L3MBTL1: variants seen among roughly 807,000 people sequenced by gnomAD.
L3MBTL1 encodes the protein lethal(3)malignant brain tumor-like protein 1.
In L3MBTL1, 75 loss-of-function variants were observed where a neutral mutation model predicts 105.3. The observed-to-expected ratio is 0.71, with a 90% CI of 0.59 to 0.86. The LOEUF (loss-of-function observed/expected upper bound fraction) is 0.86, where lower values mean the gene tolerates loss of function less well. Among genes scored for constraint, L3MBTL1 ranks in the 40% least tolerant of loss-of-function variants. The probability of loss-of-function intolerance (pLI) is 0.00; values close to 1 mark genes in which losing one functional copy is unlikely to be tolerated. For synonymous variants in L3MBTL1, 452 were observed against 436.2 expected (o/e 1.04, Z -0.45); for missense variants, 1,069 against 1,126.4 (o/e 0.95, Z 0.73).
chr20:43,536,961 G>T (rs117160432), intron 19 of L3MBTL1, among the ~76,000 whole-genome samples: 3,156 of 152,316 alleles, frequency 0.021, 58 homozygotes, highest in Non-Finnish European at 0.034. Flanking sequence ...ACTATGCCAG[G>T]TTCTTTACAC....
At chr20:43,509,631 A>C (rs756855559) in intron 1 of L3MBTL1, among the ~76,000 whole-genome samples, 6 of 152,182 alleles carry the variant, frequency 3.9e-5, no homozygotes, top group Non-Finnish European at 4.4e-5. Flanking sequence ...TCATGAGAGC[A>C]TTTTGTCATG....
At chr20:43,508,678 A>G (rs2018051234) in intron 1 of L3MBTL1, among the ~76,000 whole-genome samples, 1 of 152,252 alleles carries the variant, frequency 6.6e-6, no homozygotes. Flanking sequence ...TGGTTGTTTT[A>G]GGTCGGGTCC....
intron 11 of L3MBTL1, 93 bp downstream of exon 11, chr20:43,530,982 A>G: frequency 1.0e-6 from 1 of 995,892 alleles, no homozygotes; most frequent in Non-Finnish European, 1.5e-6. Flanking sequence ...AAGGGAGCTC[A>G]TGTGCTGGTT....
At chr20:43,537,804 C>A (rs970229966) in intron 19 of L3MBTL1, among the ~76,000 whole-genome samples, 1 of 152,198 alleles carries the variant, frequency 6.6e-6, no homozygotes, top group Admixed American at 6.5e-5. Flanking sequence ...TGTCCCAATT[C>A]TTCAAGAACA....
chr20:43,549,160 A>ATT (rs1978822935), exon 19 of L3MBTL1: 1 of 152,284 alleles, frequency 6.6e-6, no homozygotes, highest in Non-Finnish European at 1.5e-5. Context: ...CTTTGGCCAG[A>ATT]GGGGCAGCTC....
At chr20:43,517,989 C>T (rs2145395206) in intron 7 of L3MBTL1, among the ~76,000 whole-genome samples, 1 of 152,316 alleles carries the variant, frequency 6.6e-6, no homozygotes, top group South Asian at 2.1e-4. Flanking sequence ...AGGAAAGAAG[C>T]AGTGTCTTAA....
intron 18 of L3MBTL1, chr20:43,548,082 C>G: frequency 7.7e-7 from 1 of 1,302,880 alleles, no homozygotes; most frequent in Non-Finnish European, 1.0e-6. Context: ...ACCTTCTCCA[C>G]TTTCCACCTC....
In L3MBTL1 at chr20:43,536,085, C is replaced by G; in HGVS notation, c.1926-12C>G. ...AGTGGATTAAACCCAACTGAAGTCTCTTCTTCCCCAGGAAGTGCCCCACTC... is the reference window on the plus strand; with the variant it reads ...AGTGGATTAAACCCAACTGAAGTCTGTTCTTCCCCAGGAAGTGCCCCACTC... On this transcript the variant is annotated splice_polypyrimidine_tract_variant and intron_variant, in intron 17 of 21. Coordinates refer to ENST00000418998, the MANE Select transcript of L3MBTL1 (RefSeq NM_001377303.1). The G allele has an allele frequency of 6.2e-7, 1 of 1,612,536 alleles. No homozygotes were observed. The highest frequency in any genetic ancestry group is 8.5e-7 in the Non-Finnish European group (1 of 1,179,960).
At chr20:43,533,914 T>G (rs2145465944) in intron 13 of L3MBTL1, 94 bp from the exon 14 acceptor site, 2 of 869,630 alleles carry the variant, frequency 2.3e-6, no homozygotes, top group South Asian at 2.8e-5. Context: ...CTCCAAGGGC[T>G]TCTGTCCCTT....
intron 11 of L3MBTL1, chr20:43,532,391 A>G (rs2019384014): frequency 1.0e-5 from 2 of 196,926 alleles, no homozygotes; most frequent in African/African-American, 4.7e-5. Context: ...TATGCCATAG[A>G]TGTCCGCTGT....
chr20:43,528,533 G>A (rs2019150709), intron 7 of L3MBTL1, 124 bp from the exon 8 acceptor site: 1 of 703,910 alleles, frequency 1.4e-6, no homozygotes, highest in Admixed American at 2.1e-5. Flanking sequence ...GGGACCAGAG[G>A]GTACATGTGA....
exon 19 of L3MBTL1, chr20:43,548,551 A>G: frequency 5.4e-6 from 1 of 184,074 alleles, no homozygotes; most frequent in South Asian, 1.1e-4. Context: ...TTATTGTATT[A>G]CCAAAGGGTC....
At chr20:43,510,053 T>A (rs906586066) in intron 1 of L3MBTL1, among the ~76,000 whole-genome samples, 4 of 152,122 alleles carry the variant, frequency 2.6e-5, no homozygotes, top group African/African-American at 9.7e-5. Flanking sequence ...TTGGTAGAGA[T>A]GGAGTTTCAA....
At chr20:43,531,000 C>A in intron 11 of L3MBTL1, 111 bp downstream of exon 11, 1 of 866,756 alleles carries the variant, frequency 1.2e-6, no homozygotes, top group Non-Finnish European at 1.8e-6. Context: ...GTTCTCTCAG[C>A]TTTGTTCTGA....
intron 1 of L3MBTL1, among the ~76,000 whole-genome samples, chr20:43,508,771 G>A (rs540015060): frequency 6.6e-6 from 1 of 152,344 alleles, no homozygotes; most frequent in South Asian, 2.1e-4. Flanking sequence ...GGAATGACGG[G>A]TTGGGCGGAA....
At chr20:43,520,475 A>G (rs1224002394) in intron 7 of L3MBTL1, among the ~76,000 whole-genome samples, 1 of 152,282 alleles carries the variant, frequency 6.6e-6, no homozygotes, top group East Asian at 1.9e-4. Context: ...GAACTGTCAC[A>G]CTGTTTTTCA....
At chr20:43,535,765 A>G in intron 16 of L3MBTL1, 72 bp from the exon 17 acceptor site, 1 of 968,840 alleles carries the variant, frequency 1.0e-6, no homozygotes, top group Non-Finnish European at 1.6e-6. Context: ...CCCAGTGGAA[A>G]CTGCTCCTTC....
intron 19 of L3MBTL1, among the ~76,000 whole-genome samples, chr20:43,537,170 C>T (rs572252200): frequency 2.6e-5 from 4 of 152,212 alleles, no homozygotes; most frequent in Non-Finnish European, 5.9e-5. Flanking sequence ...AGCACCTAAC[C>T]CAAATGTCAG....
chr20:43,509,919 A>G (rs1289768256), intron 1 of L3MBTL1, among the ~76,000 whole-genome samples: 1 of 152,218 alleles, frequency 6.6e-6, no homozygotes, highest in East Asian at 1.9e-4. Flanking sequence ...GCTGGAGTGC[A>G]GTGGCGCGAT....
Sources: gnomAD v4.1 joint callset for allele counts (sites outside exome capture counted in the v4.1 genomes callset) on GRCh38, gnomAD v4.1.1 for gene constraint, MANE v1.5 for transcripts, NCBI Gene and HGNC (gene_info 2026-07-23, HGNC 2026-07-21) for gene names.